The following COBLL1 variants were observed in gnomAD, a reference collection of about 807,000 sequenced individuals.
COBLL1 encodes the protein cordon-bleu WH2 repeat protein like 1.
A neutral mutation model predicts 94.8 loss-of-function variants in COBLL1; 50 were observed. That is an observed-to-expected ratio of 0.53 (90% CI 0.42 to 0.67). The LOEUF (loss-of-function observed/expected upper bound fraction) is 0.67, where lower values mean the gene tolerates loss of function less well. Among genes scored for constraint, COBLL1 ranks in the 30% least tolerant of loss-of-function variants. The pLI, the probability that COBLL1 is intolerant of heterozygous loss-of-function variation, is 0.00. For missense variants in COBLL1, 1,362 were observed against 1,348.7 expected (o/e 1.01, Z -0.15); for synonymous variants, 448 against 473.8 (o/e 0.95, Z 0.71).
intron 8 of COBLL1, 137 bp downstream of exon 8, chr2:164,704,815 A>G (rs1684497369): frequency 2.1e-6 from 2 of 957,118 alleles, no homozygotes; most frequent in African/African-American, 3.3e-5. Context: ...AACGGCAGCA[A>G]AGTGAGACTA....
downstream of COBLL1, among the ~76,000 whole-genome samples, chr2:164,676,173 T>C (rs1691332725): frequency 6.6e-6 from 1 of 152,194 alleles, no homozygotes; most frequent in African/African-American, 2.4e-5. Flanking sequence ...TTAAGAATGG[T>C]TGACATTCAA....
intron 2 of COBLL1, among the ~76,000 whole-genome samples, chr2:164,762,226 C>CCATG (rs1687718214): frequency 6.6e-6 from 1 of 152,136 alleles, no homozygotes; most frequent in Non-Finnish European, 1.5e-5. Flanking sequence ...TTTAACCTGA[C>CCATG]CATGCTCTTT....
intron 2 of COBLL1, among the ~76,000 whole-genome samples, chr2:164,752,602 C>T (rs1687182710): frequency 6.6e-6 from 1 of 152,136 alleles, no homozygotes; most frequent in South Asian, 2.1e-4. Context: ...CCCAAAAGCA[C>T]AGAGAGCATG....
chr2:164,770,428 A>C (rs1688149647), intron 2 of COBLL1, among the ~76,000 whole-genome samples: 1 of 152,192 alleles, frequency 6.6e-6, no homozygotes, highest in Non-Finnish European at 1.5e-5. Flanking sequence ...ATGCATACTA[A>C]AGACTAATTC....
intron 9 of COBLL1, among the ~76,000 whole-genome samples, chr2:164,703,466 T>C (rs547465952): frequency 1.3e-5 from 2 of 152,380 alleles, no homozygotes; most frequent in African/African-American, 4.8e-5. Context: ...GTAATTGTTA[T>C]TATTCAATAC....
At chr2:164,730,718 C>G (rs191784964) in intron 3 of COBLL1, among the ~76,000 whole-genome samples, 1 of 152,084 alleles carries the variant, frequency 6.6e-6, no homozygotes, top group Non-Finnish European at 1.5e-5. Context: ...TTTCCTTACC[C>G]AAGAGCAGTC....
At chr2:164,737,163 A>G (rs1274948319) in intron 3 of COBLL1, among the ~76,000 whole-genome samples, 1 of 152,200 alleles carries the variant, frequency 6.6e-6, no homozygotes, top group Non-Finnish European at 1.5e-5. Flanking sequence ...CCCTGTCTCT[A>G]GAAAAATTTA....
In COBLL1 at chr2:164,695,124, T is replaced by C; in HGVS notation, c.2268A>G (p.Lys756=). The part of the protein sequence containing the change: ...KDWQSETIEY[K]DDQDMHALGK... The stretch of plus-strand genomic sequence containing the variant: ...CTAAAGCATGCATGTCCTGATCATC[T>C]TTATACTCTATGGTTTCTGATTGCC... Residue 756 remains lysine, a synonymous_variant, in exon 12 of 14, where the codon AAA becomes AAG. Transcript: ENST00000652658. 6.2e-7 allele frequency: 1 copy of C among 1,614,016 alleles called. No individual in the cohort carries two copies. Among genetic ancestry groups the C allele is most frequent in the Non-Finnish European group, 8.5e-7 (1 of 1,179,956 alleles).
In COBLL1 at chr2:164,695,753, C is replaced by A; in HGVS notation, c.1639G>T (p.Glu547Ter). 6.2e-7 allele frequency: 1 copy of A among 1,613,418 alleles called. No individual in the cohort carries two copies. Among genetic ancestry groups the A allele is most frequent in the Non-Finnish European group, 8.5e-7 (1 of 1,179,700 alleles). ...ATGTTGTTATTTTTGGCAACACCTT[C>A]TACATTGATTTCTGTTTTCTTCACT... The part of the protein sequence containing the change: ...NGVKKTEINV[E>*]GVAKNNNIDM... The change falls in exon 12 of 14, where the codon GAA becomes TAA. Residue 547 changes from glutamate to a stop codon, truncating the protein, a stop_gained. Coordinates refer to ENST00000652658, the MANE Select transcript of COBLL1 (RefSeq NM_001365672.2). LOFTEE classifies it high-confidence loss of function.
rs376463403 is a variant in COBLL1, at chr2:164,667,396, AAG to A, written n.127-1497_127-1496del. Among the ~76,000 whole-genome samples, 26 of 152,330 alleles carry A rather than the reference AAG, an allele frequency of 1.7e-4. No homozygotes were observed. In the East Asian group the frequency reaches 4.8e-3, roughly 28 times the overall value. ...GTCACCAGTTCCATTAGCCCCTAAC[AAG>A]AGAGTCAGCCTGTTCACTGAAGCTT... On this transcript the variant is annotated intron_variant and non_coding_transcript_variant, in intron 1 of 2. Transcript: ENST00000495084.
intron 7 of COBLL1, among the ~76,000 whole-genome samples, chr2:164,710,718 C>T (rs530002130): frequency 6.6e-6 from 1 of 152,098 alleles, no homozygotes; most frequent in South Asian, 2.1e-4. Flanking sequence ...CAGCCACCAC[C>T]ATGCCTGGCT....
intron 9 of COBLL1, among the ~76,000 whole-genome samples, chr2:164,702,359 C>G (rs954908144): frequency 9.2e-5 from 14 of 151,596 alleles, no homozygotes; most frequent in East Asian, 3.9e-4. Context: ...GTCAGGAGAT[C>G]GAGACCATCC....
Position 164,743,852 on chromosome 2 carries a change from G to A in COBLL1, c.65C>T (p.Pro22Leu). 3 of 1,552,702 alleles carry A rather than the reference G, an allele frequency of 1.9e-6. No homozygotes were observed. The highest frequency in any genetic ancestry group is 2.6e-6 in the Non-Finnish European group (3 of 1,144,482). ...ATATTTGGTCTCAGCTGGAGGAAGT[G>A]GTGCCTTGGCTTTTGGTTTTCTCCT... is the stretch of plus-strand genomic sequence containing the variant. ...PARRKPKAKA[P>L]LPPAETKYTD... The change falls in exon 3 of 14, where the codon CCA becomes CTA. Residue 22 changes from proline to leucine, a missense_variant. Coordinates refer to ENST00000652658, the MANE Select transcript of COBLL1 (RefSeq NM_001365672.2).
chr2:164,755,116 G>A (rs1260795471), intron 2 of COBLL1, among the ~76,000 whole-genome samples: 4 of 152,178 alleles, frequency 2.6e-5, no homozygotes, highest in African/African-American at 4.8e-5. Flanking sequence ...AGTGAGCCAC[G>A]ATTGTGCCAC....
chr2:164,804,854 C>T (rs1303949590), intron 2 of COBLL1, among the ~76,000 whole-genome samples: 1 of 152,192 alleles, frequency 6.6e-6, no homozygotes, highest in Non-Finnish European at 1.5e-5. Context: ...CACAGCCCAA[C>T]TCCAACACCA....
chr2:164,703,549 A>T (rs1178847593), intron 9 of COBLL1: 2 of 404,234 alleles, frequency 4.9e-6, no homozygotes, highest in Non-Finnish European at 9.6e-6. Flanking sequence ...ATTACTAGTT[A>T]TCTGAGAGTA....
At chr2:164,716,388 C>T (rs995927294) in intron 7 of COBLL1, among the ~76,000 whole-genome samples, 2 of 152,022 alleles carry the variant, frequency 1.3e-5, no homozygotes, top group Admixed American at 6.6e-5. Context: ...TTAAAAAATG[C>T]TCAAAAACTA....
At chr2:164,688,549 T>G (rs1448968530) in intron 13 of COBLL1, among the ~76,000 whole-genome samples, 3 of 152,166 alleles carry the variant, frequency 2.0e-5, no homozygotes, top group Non-Finnish European at 2.9e-5. Context: ...TATCTACTAG[T>G]TGATTGTCTA....
intron 2 of COBLL1, among the ~76,000 whole-genome samples, chr2:164,811,340 T>C (rs527657613): frequency 2.0e-5 from 3 of 151,992 alleles, no homozygotes; most frequent in African/African-American, 7.2e-5. Context: ...CATGTGTTTA[T>C]CAAAACTGGC....
Sources: gnomAD v4.1 joint callset for allele counts (sites outside exome capture counted in the v4.1 genomes callset) on GRCh38, gnomAD v4.1.1 for gene constraint, MANE v1.5 for transcripts, NCBI Gene and HGNC (gene_info 2026-07-23, HGNC 2026-07-21) for gene names.